Variants in IL5RA observed in about 807,000 individuals in gnomAD.
The protein encoded by IL5RA is interleukin 5 receptor subunit alpha.
In IL5RA, 49 loss-of-function variants were observed where a neutral mutation model predicts 50.0. The ratio of observed to expected loss-of-function variants is 0.98; its 90% CI spans 0.78 to 1.24. The LOEUF (loss-of-function observed/expected upper bound fraction) is 1.24, where lower values mean the gene tolerates loss of function less well. Ranked by LOEUF, IL5RA falls within the 50% of genes most tolerant of loss-of-function variation. IL5RA has a pLI of 0.00. For synonymous variants in IL5RA, 202 were observed against 174.0 expected (o/e 1.16, Z -1.26); for missense variants, 600 against 500.4 (o/e 1.20, Z -1.90).
intron 9 of IL5RA, among the ~76,000 whole-genome samples, chr3:3,076,993 C>T (rs1031065020): frequency 2.2e-4 from 33 of 152,086 alleles, no homozygotes; most frequent in African/African-American, 8.0e-4. Context: ...GATAGAAAAT[C>T]CACAAAAAGA....
At position 3,092,485 on chromosome 3, in the gene IL5RA, A is replaced by G. The variant is rs187576041; in HGVS notation, c.856-123T>C. 8.6e-5 allele frequency: 74 copies of G among 857,610 alleles called. No individual in the cohort carries two copies. Among genetic ancestry groups the G allele is most frequent in the Non-Finnish European group, 1.3e-4 (69 of 540,828 alleles). 53.1% of individuals were successfully genotyped at this position (857,610 alleles called of 1,614,324 possible). A position where few individuals can be genotyped will look rare whatever the true frequency, so the allele number is the denominator to read the frequency against. The stretch of plus-strand genomic sequence containing the variant: ...CTGTTCAGCAAGTCCTTTAAAATCA[A>G]CAGGGCACACATTAATTCGTTTATG... On this transcript the variant is annotated intron_variant, in intron 8 of 11. Transcript: ENST00000446632. The surrounding 1 kb of genome is among the most constrained non-coding windows in gnomAD (Gnocchi z 4.2).
In IL5RA at chr3:3,098,129, G is replaced by T. The variant is rs772772855; in HGVS notation, c.521+8C>A. On this transcript the variant is annotated splice_region_variant and intron_variant, in intron 6 of 11. Transcript: ENST00000446632. ...ATTTGCCTAAGTAAAAATAGGTACAGTACTAACCTATAGTAGAGAAAATAC... is the reference window on the plus strand; with the variant it reads ...ATTTGCCTAAGTAAAAATAGGTACATTACTAACCTATAGTAGAGAAAATAC... 1 of 1,613,976 alleles carries T rather than the reference G, an allele frequency of 6.2e-7. No individual in the cohort carries two copies. Among genetic ancestry groups the T allele is most frequent in the South Asian group, 1.1e-5 (1 of 91,074 alleles).
rs778212423 is a variant in IL5RA, at chr3:3,067,493, G to A, written c.*2732C>T. On this transcript the variant is annotated 3_prime_UTR_variant, in exon 12 of 12. Coordinates refer to ENST00000446632, the MANE Select transcript of IL5RA (RefSeq NM_175726.4). ...CCATCCTCCTGGAAGCCGCAGTCTA[G>A]AGGGGAGGCCTCCCAGCTGTTAATG... is the stretch of plus-strand genomic sequence containing the variant. 6.6e-6 allele frequency: 1 copy of A among 152,330 alleles called. No homozygotes were observed. The highest frequency in any genetic ancestry group is 1.5e-5 in the Non-Finnish European group (1 of 68,118). The allele number at this position is 152,330 out of a possible 1,614,324, so 9.4% of individuals were successfully genotyped here.
At chr3:3,101,640 A>G (rs1027738337) in intron 5 of IL5RA, 52 bp downstream of exon 5, 9 of 1,573,856 alleles carry the variant, frequency 5.7e-6, no homozygotes, top group Middle Eastern at 1.7e-4. Flanking sequence ...CTACTTTTCC[A>G]TATTTGCAAA....
rs1282152930 is a variant in IL5RA at position 3,098,252 on chromosome 3, T to C, written c.406A>G (p.Thr136Ala). 8.1e-6 allele frequency: 13 copies of C among 1,614,120 alleles called. No homozygotes were observed. The highest frequency in any genetic ancestry group is 1.1e-5 in the Non-Finnish European group (13 of 1,179,950). ...GTSIVNLTCT[T>A]NTTEDNYSRL... Reference sequence around the variant, plus strand: ...GAATAATTGTCTTCTGTAGTGTTTGTGGTGCAAGTTAAATTCACAATTGAG... The same window carrying C: ...GAATAATTGTCTTCTGTAGTGTTTGCGGTGCAAGTTAAATTCACAATTGAG... Residue 136 changes from threonine to alanine, a missense_variant, in exon 6 of 12, where the codon ACA becomes GCA. Coordinates refer to ENST00000446632, the MANE Select transcript of IL5RA (RefSeq NM_175726.4).
intron 7 of IL5RA, 152 bp from the exon 8 acceptor site, chr3:3,095,596 A>G: frequency 3.0e-6 from 2 of 672,040 alleles, no homozygotes; most frequent in East Asian, 2.7e-5. Context: ...TCTCCAAGCC[A>G]CAGGAAGCCG....
rs768812463 is a variant in IL5RA, at chr3:3,074,884, A to G, written c.1092-18T>C. 1.3e-6 allele frequency: 2 copies of G among 1,514,422 alleles called. No homozygotes were observed. The highest frequency in any genetic ancestry group is 2.7e-5 in the African/African-American group (2 of 72,998). The allele number at this position is 1,514,422 out of a possible 1,614,324, so 93.8% of individuals were successfully genotyped here. A position where few individuals can be genotyped will look rare whatever the true frequency, so the allele number is the denominator to read the frequency against. ...AATGACATCTGAAAACAGAGTAAAG[A>G]AGGAATTAGGTGAGCATGAGTATAC... On this transcript the variant is annotated intron_variant, in intron 10 of 11. Coordinates refer to ENST00000446632, the MANE Select transcript of IL5RA (RefSeq NM_175726.4).
chr3:3,070,211 T>C lies in IL5RA; in HGVS notation c.*14A>G. The C allele has an allele frequency of 1.3e-6, 2 of 1,576,904 alleles. No homozygotes were observed. Among genetic ancestry groups the C allele is most frequent in the Non-Finnish European group, 8.7e-7 (1 of 1,147,216 alleles). On this transcript the variant is annotated 3_prime_UTR_variant, in exon 12 of 12. Coordinates refer to ENST00000446632, the MANE Select transcript of IL5RA (RefSeq NM_175726.4). ...AGGCATGTGTGAGTTCATCAGAGGA[T>C]GCCAAAGTGACAGTCAAAACACAGA...
At chr3:3,099,545 C>T (rs1483880148) in intron 5 of IL5RA, among the ~76,000 whole-genome samples, 3 of 152,052 alleles carry the variant, frequency 2.0e-5, no homozygotes, top group Non-Finnish European at 4.4e-5. Context: ...GGGAGGATCA[C>T]TTGAGCTGGG....
chr3:3,076,661 A>T lies in IL5RA; in HGVS notation c.995-34T>A, dbSNP rs772941850. ...AAACAAAAAAGAAACAAAAAAATAT[A>T]AAGTCCAAGTTAGAAGCAGCAGGTA... On this transcript the variant is annotated intron_variant, in intron 9 of 11. Coordinates refer to ENST00000446632, the MANE Select transcript of IL5RA (RefSeq NM_175726.4). 20 of 1,396,162 alleles carry T rather than the reference A, an allele frequency of 1.4e-5. No homozygotes were observed. The African/African-American group carries it at 2.6e-4, about 18-fold the overall frequency. The allele number at this position is 1,396,162 out of a possible 1,614,324, so 86.5% of individuals were successfully genotyped here. A position where few individuals can be genotyped will look rare whatever the true frequency, so the allele number is the denominator to read the frequency against.
Position 3,092,214 on chromosome 3 carries a change from A to G in IL5RA, c.994+10T>C. On this transcript the variant is annotated intron_variant, in intron 9 of 11. Coordinates refer to ENST00000446632, the MANE Select transcript of IL5RA (RefSeq NM_175726.4). The surrounding 1 kb of genome is among the most constrained non-coding windows in gnomAD (Gnocchi z 4.2). ...AGGCTGCCAATGTAAAATAAACATAAGCTACTTACCCACATAAATAGGTTG... is the reference window on the plus strand; with the variant it reads ...AGGCTGCCAATGTAAAATAAACATAGGCTACTTACCCACATAAATAGGTTG... 2 of 1,607,684 alleles carry G rather than the reference A, an allele frequency of 1.2e-6. No homozygotes were observed. Among genetic ancestry groups the G allele is most frequent in the Non-Finnish European group, 8.5e-7 (1 of 1,178,306 alleles).
chr3:3,076,502 G>A (rs1226445753), intron 10 of IL5RA, 29 bp downstream of exon 10: 1 of 1,413,166 alleles, frequency 7.1e-7, no homozygotes, highest in African/African-American at 1.4e-5. Context: ...AAACCCCACT[G>A]CAAGCACGCA....
Position 3,095,302 on chromosome 3 carries a change from C to A in IL5RA, c.852G>T (p.Leu284Phe), listed in dbSNP as rs1380044449. 4.4e-6 allele frequency: 7 copies of A among 1,583,966 alleles called. No homozygotes were observed. Among genetic ancestry groups the A allele is most frequent in the South Asian group, 2.3e-5 (2 of 87,064 alleles). The change falls in exon 8 of 12, where the codon TTG (leucine) becomes TTT (phenylalanine). Residue 284 changes from leucine to phenylalanine, a missense_variant. Leu to Phe is a conservative substitution (Grantham distance 22). Coordinates refer to ENST00000446632, the MANE Select transcript of IL5RA (RefSeq NM_175726.4). ...VKIHNTRNGYLQIEKLMTNAF... is the reference protein window; with the variant it reads ...VKIHNTRNGYFQIEKLMTNAF... ...TTGGAATAATCTGAGTAATTACCTG[C>A]AAATATCCATTCCTTGTATTGTGTA... is the stretch of plus-strand genomic sequence containing the variant.
chr3:3,099,377 C>T (rs1559876437), intron 5 of IL5RA, among the ~76,000 whole-genome samples: 1 of 151,974 alleles, frequency 6.6e-6, no homozygotes, highest in Non-Finnish European at 1.5e-5. Flanking sequence ...ACCTGTAGTC[C>T]CAGCACTTTG....
chr3:3,090,546 C>CTTTTTTTTTTTTTTCTTTTTTTTTTTTTT (rs1703044236), intron 9 of IL5RA, among the ~76,000 whole-genome samples: 1 of 131,618 alleles, frequency 7.6e-6, no homozygotes, highest in Non-Finnish European at 1.6e-5. Flanking sequence ...TTTGAATTTT[C>CTTTTTTTTTTTTTTCTTTTTTTTTTTTTT]TTTTTTTTTT....
chr3:3,086,291 T>A (rs3804798), intron 9 of IL5RA, among the ~76,000 whole-genome samples: 49,360 of 152,040 alleles, frequency 0.32, 8,591 homozygotes, highest in Middle Eastern at 0.44. Flanking sequence ...TTGAGCTTCA[T>A]GGATGGCGGG....
At chr3:3,104,578 C>T (rs73805632) in intron 3 of IL5RA, among the ~76,000 whole-genome samples, 6,796 of 115,110 alleles carry the variant, frequency 0.059, 436 homozygotes, top group African/African-American at 0.16. Context: ...AGTTTCTTAA[C>T]GTTTGGTCAT....
intron 8 of IL5RA, among the ~76,000 whole-genome samples, chr3:3,093,178 A>G (rs182283321): frequency 1.3e-5 from 2 of 152,272 alleles, no homozygotes; most frequent in Non-Finnish European, 2.9e-5. Flanking sequence ...CTCTGGGAGA[A>G]ATCACAATGT....
At chr3:3,091,764 G>T (rs1322379689) in intron 9 of IL5RA, 2 of 156,692 alleles carry the variant, frequency 1.3e-5, no homozygotes, top group Non-Finnish European at 2.8e-5. Context: ...AACAAATGAG[G>T]ACATATAAAA....
Sources: gnomAD v4.1 joint callset for allele counts (sites outside exome capture counted in the v4.1 genomes callset) on GRCh38, gnomAD v4.1.1 for gene constraint, Gnocchi (gnomAD v3.1) non-coding constraint, MANE v1.5 for transcripts, NCBI Gene and HGNC (gene_info 2026-07-23, HGNC 2026-07-21) for gene names.